Variants in ZNF18 observed in about 807,000 individuals in gnomAD.
ZNF18 encodes the protein heart development-specific gene 1 protein.
ZNF18 carries 42 observed loss-of-function variants against 58.1 expected under a neutral mutation model. The ratio of observed to expected loss-of-function variants is 0.72; its 90% CI spans 0.56 to 0.93. The LOEUF (loss-of-function observed/expected upper bound fraction) is 0.93, where lower values mean the gene tolerates loss of function less well. Ranked by LOEUF, ZNF18 falls within the 40% of genes least tolerant of loss-of-function variation. ZNF18 has a pLI of 0.00. For missense variants in ZNF18, 540 were observed against 644.2 expected (o/e 0.84, Z 1.75); for synonymous variants, 231 against 239.8 (o/e 0.96, Z 0.34).
At position 11,993,897 on chromosome 17, in the gene ZNF18, TATAA is replaced by T. The variant is rs369586430; in HGVS notation, c.-82-990_-82-987del. Among the ~76,000 whole-genome samples the T allele has an allele frequency of 1.0e-3, 155 of 150,318 alleles. 4 individuals are homozygous for T. The South Asian group carries it at 0.031, about 30-fold the overall frequency. ...CTTGAAAATACTCCTATGGTGTTGATATAAATAATCACTATTTTATGTGAATGGT... is the reference window on the plus strand; with the variant it reads ...CTTGAAAATACTCCTATGGTGTTGATATAATCACTATTTTATGTGAATGGT... On this transcript the variant is annotated intron_variant, in intron 1 of 6. Transcript: ENST00000580306.
intron 2 of ZNF18, 143 bp downstream of exon 2, chr17:11,992,300 T>TA: frequency 9.2e-7 from 1 of 1,082,918 alleles, no homozygotes. Flanking sequence ...GTACTGGTGT[T>TA]AGAGAATCAC....
In ZNF18 at chr17:11,987,075, G is replaced by A. The variant is rs139571925; in HGVS notation, c.667-2878C>T. Among the ~76,000 whole-genome samples the A allele has an allele frequency of 1.3e-3, 201 of 152,280 alleles. 1 individual carries two copies. Among genetic ancestry groups the A allele is most frequent in the African/African-American group, 4.5e-3 (189 of 41,558 alleles). ...CCTCTTTCTCATATTTAGAAGAGAC[G>A]GAAAAACCTAACTTTCTATCCTGAA... On this transcript the variant is annotated intron_variant, in intron 4 of 6. Transcript: ENST00000580306.
At chr17:12,014,264 T>G in the ZNF18 span, among the ~76,000 whole-genome samples, 14 of 152,324 alleles carry the variant, frequency 9.2e-5, no homozygotes, top group Admixed American at 5.2e-4. Flanking sequence ...TACCATAAGA[T>G]TCATCAGTTC....
the ZNF18 span, chr17:12,010,944 C>A: frequency 1.5e-6 from 1 of 671,634 alleles, no homozygotes; most frequent in Non-Finnish European, 2.7e-6. Flanking sequence ...TTAACATGCC[C>A]AATACACACA....
chr17:11,994,307 AT>A (rs981046559), intron 1 of ZNF18, among the ~76,000 whole-genome samples: 8 of 152,096 alleles, frequency 5.3e-5, no homozygotes, highest in South Asian at 2.1e-4. Flanking sequence ...AAGAAAAACA[AT>A]TTTTTTTCAA....
chr17:12,015,851 C>T, the ZNF18 span, among the ~76,000 whole-genome samples: 27 of 152,086 alleles, frequency 1.8e-4, no homozygotes, highest in African/African-American at 5.1e-4. Flanking sequence ...TCCAGCAGCG[C>T]GATCTCGGCT....
At chr17:11,982,688 G>A (rs1597952931) in intron 6 of ZNF18, among the ~76,000 whole-genome samples, 1 of 148,772 alleles carries the variant, frequency 6.7e-6, no homozygotes, top group East Asian at 2.0e-4. Context: ...GTGTGTGTGT[G>A]TGTGTGTGTG....
rs2151464794 is a variant in ZNF18 at position 11,977,855 on chromosome 17, T to G, written c.*102A>C. ...CTCTCCAATCCAAGAAAAAAGGAGA[T>G]TAACAGGGGTATCCTCTTAGACACA... On this transcript the variant is annotated 3_prime_UTR_variant, in exon 7 of 7. Coordinates refer to ENST00000580306, the MANE Select transcript of ZNF18 (RefSeq NM_001303281.2). 1 of 1,362,748 alleles carries G rather than the reference T, an allele frequency of 7.3e-7. No homozygotes were observed. Among genetic ancestry groups the G allele is most frequent in the African/African-American group, 1.5e-5 (1 of 68,520 alleles). The allele number at this position is 1,362,748 out of a possible 1,614,324, so 84.4% of individuals were successfully genotyped here.
upstream of ZNF18, among the ~76,000 whole-genome samples, chr17:11,999,289 A>G (rs958087875): frequency 6.6e-6 from 1 of 152,232 alleles, no homozygotes; most frequent in Admixed American, 6.5e-5. Context: ...AAAAATGCAC[A>G]TACACATCTA....
At chr17:11,980,671 A>G (rs1967282398) in intron 6 of ZNF18, among the ~76,000 whole-genome samples, 1 of 152,080 alleles carries the variant, frequency 6.6e-6, no homozygotes. Flanking sequence ...CCCCCGCCTC[A>G]GCCTCCCACA....
At chr17:11,988,897 G>A (rs543226652) in intron 4 of ZNF18, among the ~76,000 whole-genome samples, 78 of 152,128 alleles carry the variant, frequency 5.1e-4, no homozygotes, top group African/African-American at 1.6e-3. Flanking sequence ...GGTGGCTCCC[G>A]CCTGTAATCC....
At chr17:12,001,705 C>T (rs140068918), upstream of ZNF18, among the ~76,000 whole-genome samples, 124 of 152,024 alleles carry the variant, frequency 8.2e-4, no homozygotes, top group Non-Finnish European at 1.4e-3. Context: ...AATGTTCTCA[C>T]CATAAAAAAT....
At chr17:12,016,467 T>A in the ZNF18 span, among the ~76,000 whole-genome samples, 3 of 151,938 alleles carry the variant, frequency 2.0e-5, no homozygotes, top group Admixed American at 6.6e-5. Context: ...GTCGCTGGGA[T>A]TACAGGCATG....
At chr17:12,010,133 T>C in the ZNF18 span, among the ~76,000 whole-genome samples, 2 of 151,928 alleles carry the variant, frequency 1.3e-5, no homozygotes, top group Non-Finnish European at 2.9e-5. Context: ...TCAGGCTTAA[T>C]TAGAACCAAT....
chr17:11,990,564 A>T lies in ZNF18; in HGVS notation c.578-14T>A. ...AGGCAGCCAGGGCTGAAGTGAGGAGAGGAAGTTTTCAGAATCTGGATGTCT... is the reference window on the plus strand; with the variant it reads ...AGGCAGCCAGGGCTGAAGTGAGGAGTGGAAGTTTTCAGAATCTGGATGTCT... On this transcript the variant is annotated splice_polypyrimidine_tract_variant and intron_variant, in intron 3 of 6. Coordinates refer to ENST00000580306, the MANE Select transcript of ZNF18 (RefSeq NM_001303281.2). The T allele has an allele frequency of 6.2e-7, 1 of 1,602,398 alleles. No individual in the cohort carries two copies. The highest frequency in any genetic ancestry group is 8.5e-7 in the Non-Finnish European group (1 of 1,175,404).
chr17:12,014,442 A>G, the ZNF18 span, among the ~76,000 whole-genome samples: 1 of 152,238 alleles, frequency 6.6e-6, no homozygotes, highest in Non-Finnish European at 1.5e-5. Flanking sequence ...ACAATATAAT[A>G]TTATCCAGTC....
rs990760584 is a variant in ZNF18 at position 11,984,231 on chromosome 17, A to C, written c.667-34T>G. 2.2e-5 allele frequency: 34 copies of C among 1,569,520 alleles called. No individual in the cohort carries two copies. The South Asian group carries it at 3.7e-4, about 17-fold the overall frequency. On this transcript the variant is annotated intron_variant, in intron 4 of 6. Transcript: ENST00000580306. The stretch of plus-strand genomic sequence containing the variant: ...AAAAAAAAAAAAGCAATACAATACC[A>C]TGACTCCAATGAAGGTGTTTGAACC...
the ZNF18 span, among the ~76,000 whole-genome samples, chr17:12,007,745 C>G: frequency 6.6e-6 from 1 of 152,152 alleles, no homozygotes; most frequent in African/African-American, 2.4e-5. Flanking sequence ...CAGACTGAAC[C>G]TTTCTCCTTC....
the ZNF18 span, among the ~76,000 whole-genome samples, chr17:12,003,751 T>C: frequency 6.6e-6 from 1 of 152,204 alleles, no homozygotes; most frequent in African/African-American, 2.4e-5. Flanking sequence ...ATTCCATGCT[T>C]AGGCAGACCC....
Sources: allele counts gnomAD v4.1 joint callset (sites outside exome capture counted in the v4.1 genomes callset), GRCh38; gene constraint gnomAD v4.1.1; transcripts MANE v1.5; gene names NCBI Gene and HGNC (gene_info 2026-07-23, HGNC 2026-07-21).